Variants in GRID2 observed in about 807,000 individuals in gnomAD.
GRID2 encodes the protein glutamate ionotropic receptor delta type subunit 2, also known as glutamate receptor ionotropic, delta-2.
In GRID2, 33 loss-of-function variants were observed where a neutral mutation model predicts 114.8. The observed-to-expected ratio is 0.29, with a 90% CI of 0.22 to 0.38. The LOEUF (loss-of-function observed/expected upper bound fraction) is 0.38. GRID2 is among the 10% of genes least tolerant of loss of function. The pLI is 1.00. For synonymous variants in GRID2, 505 were observed against 449.9 expected, an observed-to-expected ratio of 1.12 and a Z score of -1.55; for missense variants, 1,184 against 1,257.7, an observed-to-expected ratio of 0.94 and a Z score of 0.89.
In GRID2 at chr4:93,534,321, CA is replaced by C. The variant is rs969358008; in HGVS notation, c.2193+18912del. Among the ~76,000 whole-genome samples, 46 of 152,110 alleles carry C rather than the reference CA, an allele frequency of 3.0e-4. 1 individual carries two copies. The highest frequency in any genetic ancestry group is 9.4e-4 in the African/African-American group (39 of 41,514). Reference sequence around the variant, plus strand: ...TTTTATTATATGTATTTAAGGTTTACAACATGGTGTTTTGATATACATATAC... The same window carrying C: ...TTTTATTATATGTATTTAAGGTTTACACATGGTGTTTTGATATACATATAC... On this transcript the variant is annotated intron_variant, in intron 13 of 15. Transcript: ENST00000282020.
intron 13 of GRID2, among the ~76,000 whole-genome samples, chr4:93,572,196 T>C (rs1390268809): frequency 6.6e-6 from 1 of 152,122 alleles, no homozygotes; most frequent in Non-Finnish European, 1.5e-5. Context: ...GCAAAACTCT[T>C]GAACTATCTG....
chr4:93,612,059 C>T (rs1740988845), intron 13 of GRID2, among the ~76,000 whole-genome samples: 2 of 152,084 alleles, frequency 1.3e-5, no homozygotes, highest in Admixed American at 6.6e-5. Flanking sequence ...GATCCCTTTA[C>T]CATTATGTAA....
intron 2 of GRID2, among the ~76,000 whole-genome samples, chr4:93,025,316 T>G (rs1054321965): frequency 6.6e-6 from 1 of 151,832 alleles, no homozygotes; most frequent in African/African-American, 2.4e-5. Context: ...TCTTCAGGAT[T>G]CAATATTAAC....
At chr4:93,424,466 C>T (rs942092621) in intron 10 of GRID2, among the ~76,000 whole-genome samples, 1 of 152,046 alleles carries the variant, frequency 6.6e-6, no homozygotes, top group African/African-American at 2.4e-5. Flanking sequence ...TCTGAATTTA[C>T]AGGGTTTTTT....
intron 1 of GRID2, among the ~76,000 whole-genome samples, chr4:92,533,182 G>GTTTTTTTTTTTTTT (rs1331638804): frequency 2.1e-5 from 3 of 145,174 alleles, no homozygotes; most frequent in Non-Finnish European, 3.1e-5. Flanking sequence ...CAACTTTGGT[G>GTTTTTTTTTTTTTT]TGTTTTTTTG....
intron 1 of GRID2, among the ~76,000 whole-genome samples, chr4:92,322,233 A>G (rs1040854202): frequency 3.3e-5 from 5 of 151,898 alleles, no homozygotes; most frequent in African/African-American, 7.3e-5. Flanking sequence ...TTCAAAGATG[A>G]TATCTCATTA....
intron 11 of GRID2, among the ~76,000 whole-genome samples, chr4:93,467,126 C>T (rs1724357449): frequency 6.6e-6 from 1 of 152,098 alleles, no homozygotes; most frequent in South Asian, 2.1e-4. Context: ...TTTCTTTGAT[C>T]TGAGAAAATC....
chr4:93,415,572 T>C (rs1410849736), intron 9 of GRID2, among the ~76,000 whole-genome samples: 2 of 152,020 alleles, frequency 1.3e-5, no homozygotes, highest in Admixed American at 1.3e-4. Flanking sequence ...CTAGGGTACT[T>C]AGGATTATTG....
chr4:92,683,848 G>A (rs2149286758), intron 2 of GRID2, among the ~76,000 whole-genome samples: 1 of 151,804 alleles, frequency 6.6e-6, no homozygotes, highest in East Asian at 1.9e-4. Context: ...TATACATATA[G>A]AAGCAATAGT....
intron 3 of GRID2, among the ~76,000 whole-genome samples, chr4:93,095,559 T>C (rs1395606079): frequency 6.6e-6 from 1 of 152,048 alleles, no homozygotes; most frequent in Non-Finnish European, 1.5e-5. Flanking sequence ...TAGAAAATCC[T>C]ATGAAATCTA....
chr4:92,633,904 T>C (rs890081027), intron 2 of GRID2, among the ~76,000 whole-genome samples: 7 of 151,870 alleles, frequency 4.6e-5, no homozygotes, highest in Admixed American at 1.3e-4. Flanking sequence ...ATTTTCACTA[T>C]ATGAATCACC....
intron 1 of GRID2, among the ~76,000 whole-genome samples, chr4:92,391,580 C>G (rs1427459108): frequency 6.6e-6 from 1 of 151,744 alleles, no homozygotes; most frequent in Non-Finnish European, 1.5e-5. Context: ...CTTTGCAAAA[C>G]AAAACAAAAA....
Position 93,770,838 on chromosome 4 carries a change from T to TAA in GRID2, c.2602-1238_2602-1237insAA, listed in dbSNP as rs145596511. 3.2e-3 allele frequency among the ~76,000 whole-genome samples: 486 copies of TAA among 152,316 alleles called. 2 individuals are homozygous for TAA. Among genetic ancestry groups the TAA allele is most frequent in the Non-Finnish European group, 4.9e-3 (331 of 68,016 alleles). On this transcript the variant is annotated intron_variant, in intron 15 of 15. Transcript: ENST00000282020. ...TTGCATTATTATATCTGTTGATGGA[T>TAA]GACTACATTACAGTTGCTGTGGGAA...
At chr4:93,143,015 A>G (rs931335878) in intron 4 of GRID2, among the ~76,000 whole-genome samples, 2 of 152,228 alleles carry the variant, frequency 1.3e-5, no homozygotes, top group African/African-American at 4.8e-5. Flanking sequence ...TTTGCAACAC[A>G]GTTGAGAAAT....
intron 8 of GRID2, among the ~76,000 whole-genome samples, chr4:93,355,955 T>C (rs1761296828): frequency 6.6e-6 from 1 of 152,034 alleles, no homozygotes; most frequent in Non-Finnish European, 1.5e-5. Flanking sequence ...GGTGCCCTCA[T>C]TAATTATTAC....
At chr4:93,158,569 AT>A (rs542507635) in intron 4 of GRID2, among the ~76,000 whole-genome samples, 6 of 151,448 alleles carry the variant, frequency 4.0e-5, no homozygotes, top group African/African-American at 9.7e-5. Flanking sequence ...TCATATTTGC[AT>A]TTTTTTTGTA....
intron 7 of GRID2, among the ~76,000 whole-genome samples, chr4:93,233,873 T>A (rs1230025359): frequency 6.6e-6 from 1 of 152,096 alleles, no homozygotes; most frequent in Non-Finnish European, 1.5e-5. Context: ...GGTGATTTAA[T>A]AAGTGTGTGA....
intron 13 of GRID2, among the ~76,000 whole-genome samples, chr4:93,517,134 A>G (rs1482883462): frequency 6.6e-6 from 1 of 152,062 alleles, no homozygotes; most frequent in Non-Finnish European, 1.5e-5. Flanking sequence ...TCAAGATTAA[A>G]TAAGATAATA....
intron 1 of GRID2, among the ~76,000 whole-genome samples, chr4:92,490,647 GA>G (rs35950758): frequency 6.6e-6 from 1 of 152,128 alleles, no homozygotes; most frequent in Admixed American, 6.5e-5. Flanking sequence ...ATTAACATGG[GA>G]AAAAATGAAA....
Sources: allele counts gnomAD v4.1 joint callset (sites outside exome capture counted in the v4.1 genomes callset), GRCh38; gene constraint gnomAD v4.1.1; transcripts MANE v1.5; gene names NCBI Gene and HGNC (gene_info 2026-07-23, HGNC 2026-07-21).